The following PARP8 variants were observed in gnomAD, a reference collection of about 807,000 sequenced individuals.
PARP8 encodes poly(ADP-ribose) polymerase family member 8, also known as protein mono-ADP-ribosyltransferase PARP8.
In PARP8, 51 loss-of-function variants were observed where a neutral mutation model predicts 124.1. That is an observed-to-expected ratio of 0.41 (90% CI 0.33 to 0.52). The LOEUF (loss-of-function observed/expected upper bound fraction) is 0.52. PARP8 is among the 20% of genes least tolerant of loss of function. The pLI, the probability that PARP8 is intolerant of heterozygous loss-of-function variation, is 0.21. For missense variants in PARP8, 860 were observed against 1,018.9 expected, an observed-to-expected ratio of 0.84 and a Z score of 2.12; for synonymous variants, 391 against 361.5, an observed-to-expected ratio of 1.08 and a Z score of -0.93.
At chr5:50,699,668 G>T (rs1753385120) in intron 2 of PARP8, among the ~76,000 whole-genome samples, 1 of 152,126 alleles carries the variant, frequency 6.6e-6, no homozygotes, top group South Asian at 2.1e-4. Context: ...GTGCTCTATG[G>T]AATAAATCTT....
At chr5:50,739,709 CAT>C (rs372997958) in intron 2 of PARP8, among the ~76,000 whole-genome samples, 1,685 of 100,824 alleles carry the variant, frequency 0.017, 84 homozygotes, top group African/African-American at 0.053. Context: ...TGGGTATATA[CAT>C]ATATATATAT....
At chr5:50,784,627 T>C (rs1204602208) in intron 9 of PARP8, among the ~76,000 whole-genome samples, 4 of 152,146 alleles carry the variant, frequency 2.6e-5, no homozygotes, top group African/African-American at 7.2e-5. Flanking sequence ...TAAGAAAGCA[T>C]TGAATAACTT....
chr5:50,757,071 A>G (rs371138210), intron 3 of PARP8: 6 of 430,674 alleles, frequency 1.4e-5, no homozygotes, highest in Middle Eastern at 3.4e-4. Flanking sequence ...TTATGCAACC[A>G]TCCATTGATG....
rs184433414 is a variant in PARP8 at position 50,772,116 on chromosome 5, C to T, written c.519-5953C>T. Among the ~76,000 whole-genome samples the T allele has an allele frequency of 3.5e-4, 53 of 152,248 alleles. 1 individual carries two copies. In the East Asian group the frequency reaches 7.7e-3, roughly 22 times the overall value. ...ATCACGCAGTGTTTGTCTTTCTTTT[C>T]CTGGCTTACTTTACTTAAGACTGTG... On this transcript the variant is annotated intron_variant, in intron 7 of 25. Transcript: ENST00000281631.
chr5:50,795,215 G>A lies in PARP8; in HGVS notation c.1226G>A (p.Arg409Lys). The change falls in exon 12 of 26, where the codon AGG becomes AAG. Residue 409 changes from arginine (R) to lysine (K), a missense_variant. By Grantham distance (26) the Arg-to-Lys change is conservative. This residue lies in a region of PARP8 where 517 missense variants were observed against 544.2 expected (regional missense o/e 0.95). Coordinates refer to ENST00000281631, the MANE Select transcript of PARP8 (RefSeq NM_024615.4). ...TNLKPHKLLSRSYSSNLRMEE... is the reference protein window; with the variant it reads ...TNLKPHKLLSKSYSSNLRMEE... Reference sequence around the variant, plus strand: ...TTGAAGCCCCATAAACTGTTAAGCAGGTCTTACTCTAGTAATCTCAGAATG... The same window carrying A: ...TTGAAGCCCCATAAACTGTTAAGCAAGTCTTACTCTAGTAATCTCAGAATG... The A allele has an allele frequency of 6.2e-6, 10 of 1,614,112 alleles. No individual in the cohort carries two copies. Among genetic ancestry groups the A allele is most frequent in the Non-Finnish European group, 8.5e-6 (10 of 1,180,006 alleles).
chr5:50,806,863 G>A (rs1414508950), intron 14 of PARP8, among the ~76,000 whole-genome samples: 1 of 151,782 alleles, frequency 6.6e-6, no homozygotes, highest in Non-Finnish European at 1.5e-5. Flanking sequence ...ATTTCTTATG[G>A]GATATTAACC....
At chr5:50,669,623 A>C (rs1381129534) in intron 2 of PARP8, 1 of 152,240 alleles carries the variant, frequency 6.6e-6, no homozygotes, top group African/African-American at 2.4e-5. Flanking sequence ...TACTGCAGTT[A>C]AGATTCTTTA....
intron 15 of PARP8, among the ~76,000 whole-genome samples, chr5:50,818,178 C>G (rs866923328): frequency 0.062 from 7,088 of 114,868 alleles, 552 homozygotes; most frequent in African/African-American, 0.2. Context: ...ATCATTTAGC[C>G]CCCCCCCCCC....
intron 14 of PARP8, among the ~76,000 whole-genome samples, chr5:50,798,728 A>G (rs1742847524): frequency 6.6e-6 from 1 of 151,980 alleles, no homozygotes; most frequent in South Asian, 2.1e-4. Flanking sequence ...GGCCTGAGCC[A>G]CCGCACCCGG....
chr5:50,712,333 G>T (rs1326790716), intron 2 of PARP8, among the ~76,000 whole-genome samples: 1 of 152,082 alleles, frequency 6.6e-6, no homozygotes, highest in Non-Finnish European at 1.5e-5. Context: ...AATATGTACA[G>T]TTTTGTGGAG....
chr5:50,679,173 A>C (rs1750997256), intron 2 of PARP8, among the ~76,000 whole-genome samples: 1 of 152,204 alleles, frequency 6.6e-6, no homozygotes, highest in African/African-American at 2.4e-5. Flanking sequence ...AAAAAGCAGC[A>C]ATAGTGTACA....
intron 2 of PARP8, among the ~76,000 whole-genome samples, chr5:50,699,778 G>A (rs1197125120): frequency 6.6e-6 from 1 of 152,070 alleles, no homozygotes; most frequent in Non-Finnish European, 1.5e-5. Context: ...TTTTTAATAA[G>A]CTCCTAAAAG....
chr5:50,813,935 A>C (rs1744788201), intron 14 of PARP8, among the ~76,000 whole-genome samples: 1 of 152,136 alleles, frequency 6.6e-6, no homozygotes, highest in South Asian at 2.1e-4. Flanking sequence ...TCAGTAAATG[A>C]GCCTTTGAGA....
intron 2 of PARP8, among the ~76,000 whole-genome samples, chr5:50,723,857 G>T (rs1234021229): frequency 6.6e-6 from 1 of 152,032 alleles, no homozygotes; most frequent in Non-Finnish European, 1.5e-5. Context: ...TTTTAAATTC[G>T]TGAGGCATTG....
intron 1 of PARP8, chr5:50,667,753 C>G: frequency 1.4e-6 from 1 of 719,184 alleles, no homozygotes; most frequent in Non-Finnish European, 2.5e-6. Flanking sequence ...GGTCGCCTTT[C>G]GTCCATTTTG....
chr5:50,717,317 T>TA (rs1755417014), intron 2 of PARP8, among the ~76,000 whole-genome samples: 1 of 151,840 alleles, frequency 6.6e-6, no homozygotes, highest in South Asian at 2.1e-4. Context: ...CTATGAGACT[T>TA]ACGATGGAAT....
intron 2 of PARP8, among the ~76,000 whole-genome samples, chr5:50,702,632 C>T (rs1167511746): frequency 3.4e-5 from 5 of 148,248 alleles, no homozygotes; most frequent in Admixed American, 2.7e-4. Flanking sequence ...TCTGTAATTC[C>T]ATTGCTGTAA....
At position 50,750,273 on chromosome 5, in the gene PARP8, A is replaced by C. The variant is rs1157409458; in HGVS notation, c.184+85A>C. On this transcript the variant is annotated intron_variant, in intron 3 of 25. Transcript: ENST00000281631. Reference sequence around the variant, plus strand: ...CTTCTGGAGATGTAAAACGCATATAAATATATTGAGGGGTGAAACACTGGT... The same window carrying C: ...CTTCTGGAGATGTAAAACGCATATACATATATTGAGGGGTGAAACACTGGT... The C allele has an allele frequency of 2.6e-6, 3 of 1,152,226 alleles. No homozygotes were observed. In the Admixed American group the frequency reaches 5.8e-5, roughly 22 times the overall value. The allele number at this position is 1,152,226 out of a possible 1,614,324, so 71.4% of individuals were successfully genotyped here.
intron 1 of PARP8, chr5:50,667,506 C>T: frequency 1.4e-6 from 1 of 697,364 alleles, no homozygotes; most frequent in East Asian, 2.7e-5. Flanking sequence ...AAGCACGCTT[C>T]CTGGGTTCCA....
Sources: gnomAD v4.1 joint callset for allele counts (sites outside exome capture counted in the v4.1 genomes callset) on GRCh38, gnomAD v4.1.1 for gene constraint, gnomAD v4.1.1 regional missense constraint, MANE v1.5 for transcripts, NCBI Gene and HGNC (gene_info 2026-07-23, HGNC 2026-07-21) for gene names.